CDH12: variants seen among roughly 807,000 people sequenced by gnomAD.
CDH12 encodes cadherin 12, also known as cadherin-12.
Under a neutral mutation model 74.1 loss-of-function variants are expected in CDH12, and 41 were observed. That is an observed-to-expected ratio of 0.55 (90% CI 0.43 to 0.72). The LOEUF is 0.72. Among genes scored for constraint, CDH12 ranks in the 30% least tolerant of loss-of-function variants. CDH12 has a pLI of 0.00. For synonymous variants in CDH12, 399 were observed against 355.0 expected (o/e 1.12, Z -1.39); for missense variants, 945 against 977.2 (o/e 0.97, Z 0.44).
intron 1 of CDH12, among the ~76,000 whole-genome samples, chr5:22,677,933 G>A (rs1419594673): frequency 1.3e-5 from 2 of 151,752 alleles, no homozygotes; most frequent in African/African-American, 4.8e-5. Context: ...GAAGTAGAGA[G>A]TGTGTGTATG....
At chr5:22,183,260 T>G (rs1408442546) in intron 4 of CDH12, among the ~76,000 whole-genome samples, 2 of 151,598 alleles carry the variant, frequency 1.3e-5, no homozygotes, top group Non-Finnish European at 2.9e-5. Context: ...TGAATCAAGA[T>G]GAGGACTAAA....
intron 4 of CDH12, among the ~76,000 whole-genome samples, chr5:22,140,890 G>C (rs2150297643): frequency 6.6e-6 from 1 of 152,270 alleles, no homozygotes; most frequent in East Asian, 1.9e-4. Flanking sequence ...CTCTCAGTCT[G>C]TCCTCCTCAC....
At chr5:22,193,849 G>C (rs1750446211) in intron 4 of CDH12, among the ~76,000 whole-genome samples, 2 of 152,216 alleles carry the variant, frequency 1.3e-5, no homozygotes, top group Admixed American at 1.3e-4. Context: ...CTAGCTCAGT[G>C]ATAGCCTACG....
intron 2 of CDH12, among the ~76,000 whole-genome samples, chr5:22,434,674 T>C (rs941588300): frequency 3.9e-5 from 6 of 152,196 alleles, no homozygotes; most frequent in Admixed American, 2.0e-4. Context: ...GTCATTTTAA[T>C]GCAGGGGCTA....
intron 1 of CDH12, among the ~76,000 whole-genome samples, chr5:22,690,604 T>G (rs1158330893): frequency 1.3e-5 from 2 of 152,106 alleles, no homozygotes; most frequent in African/African-American, 4.8e-5. Context: ...CAGAACAGTG[T>G]GGCAGGAAGA....
At chr5:21,957,766 G>A (rs942504239) in intron 6 of CDH12, among the ~76,000 whole-genome samples, 3 of 152,038 alleles carry the variant, frequency 2.0e-5, no homozygotes, top group Non-Finnish European at 2.9e-5. Context: ...TAATGGGGTT[G>A]TTTTTCTCTT....
chr5:22,039,053 C>T (rs925771624), intron 5 of CDH12, among the ~76,000 whole-genome samples: 6 of 152,156 alleles, frequency 3.9e-5, no homozygotes, highest in Non-Finnish European at 7.4e-5. Flanking sequence ...GCAACAGCTG[C>T]ACTCCACATG....
At chr5:22,683,927 C>A (rs1362318884) in intron 1 of CDH12, among the ~76,000 whole-genome samples, 1 of 152,170 alleles carries the variant, frequency 6.6e-6, no homozygotes, top group Non-Finnish European at 1.5e-5. Flanking sequence ...TGTATAGAAT[C>A]AAGACTCTCT....
At chr5:21,988,489 C>A (rs71601526) in intron 5 of CDH12, among the ~76,000 whole-genome samples, 1 of 46,006 alleles carries the variant, frequency 2.2e-5, no homozygotes. Context: ...GAGACTCCGT[C>A]TCAAAAAAAA....
intron 3 of CDH12, among the ~76,000 whole-genome samples, chr5:22,364,981 C>T (rs1216994596): frequency 6.6e-6 from 1 of 152,178 alleles, no homozygotes; most frequent in Non-Finnish European, 1.5e-5. Context: ...TCCCTAAATA[C>T]ACACATAATA....
rs200195237 is a variant in CDH12 at position 22,206,900 on chromosome 5, T to C, written c.-187+5598A>G. On this transcript the variant is annotated intron_variant, in intron 4 of 14. Coordinates refer to ENST00000382254, the MANE Select transcript of CDH12 (RefSeq NM_004061.5). Reference sequence around the variant, plus strand: ...CTCCAGAGACAGACATTTAGATAGTTATCTTCAAGAGATTTAAAAATATTC... The same window carrying C: ...CTCCAGAGACAGACATTTAGATAGTCATCTTCAAGAGATTTAAAAATATTC... Among the ~76,000 whole-genome samples, 8 of 151,412 alleles carry C rather than the reference T, an allele frequency of 5.3e-5. No individual in the cohort carries two copies. In the East Asian group the frequency reaches 1.6e-3, roughly 29 times the overall value.
intron 1 of CDH12, among the ~76,000 whole-genome samples, chr5:22,656,573 T>G (rs1342976435): frequency 6.6e-6 from 1 of 152,184 alleles, no homozygotes; most frequent in Non-Finnish European, 1.5e-5. Context: ...AACAAATTGA[T>G]AGTGGATATG....
At chr5:22,618,959 T>A (rs979434367) in intron 1 of CDH12, among the ~76,000 whole-genome samples, 4 of 152,020 alleles carry the variant, frequency 2.6e-5, no homozygotes, top group African/African-American at 9.7e-5. Flanking sequence ...TTCATCTTCC[T>A]CCATCATTGT....
chr5:21,791,196 G>T (rs1332431305), intron 10 of CDH12, among the ~76,000 whole-genome samples: 1 of 152,042 alleles, frequency 6.6e-6, no homozygotes, highest in Non-Finnish European at 1.5e-5. Context: ...ATATGTGACT[G>T]ACTAAAACCT....
rs1388537761 is a variant in CDH12 at position 22,062,805 on chromosome 5, C to T, written c.231+15641G>A. On this transcript the variant is annotated intron_variant, in intron 5 of 14. Transcript: ENST00000382254. The stretch of plus-strand genomic sequence containing the variant: ...TTCTATCAACTCAGAAGGAGACTAA[C>T]ACATTAGACAGAACTTGAGACATAC... 2.0e-5 allele frequency among the ~76,000 whole-genome samples: 3 copies of T among 152,040 alleles called. No homozygotes were observed. In the East Asian group the frequency reaches 5.8e-4, roughly 29 times the overall value.
chr5:22,548,937 G>A (rs1354959546), intron 1 of CDH12, among the ~76,000 whole-genome samples: 2 of 151,446 alleles, frequency 1.3e-5, no homozygotes, highest in African/African-American at 4.9e-5. Flanking sequence ...AGGGTTTTTT[G>A]TTTGTTTGTT....
chr5:22,244,779 A>T (rs2150383278), intron 3 of CDH12, among the ~76,000 whole-genome samples: 1 of 124,052 alleles, frequency 8.1e-6, no homozygotes, highest in Non-Finnish European at 1.8e-5. Context: ...AAAGAAAGAA[A>T]GAAAGAAAGA....
intron 1 of CDH12, among the ~76,000 whole-genome samples, chr5:22,657,938 T>C (rs1740137740): frequency 1.3e-5 from 2 of 152,246 alleles, no homozygotes; most frequent in South Asian, 4.1e-4. Flanking sequence ...AGAGTATGTA[T>C]TACTTACAAA....
intron 6 of CDH12, among the ~76,000 whole-genome samples, chr5:21,968,434 A>G (rs1458872317): frequency 6.6e-6 from 1 of 152,232 alleles, no homozygotes; most frequent in Admixed American, 6.5e-5. Context: ...CACTCTTAAC[A>G]AGTTCAACAT....
Sources: allele counts gnomAD v4.1 joint callset (sites outside exome capture counted in the v4.1 genomes callset), GRCh38; gene constraint gnomAD v4.1.1; transcripts MANE v1.5; gene names NCBI Gene and HGNC (gene_info 2026-07-23, HGNC 2026-07-21).